The following NME7 variants were observed in gnomAD, a reference collection of about 807,000 sequenced individuals.
NME7 encodes the protein NME/NM23 family member 7.
In NME7, 41 loss-of-function variants were observed where a neutral mutation model predicts 49.1. That is an observed-to-expected ratio of 0.83 (90% CI 0.65 to 1.08). The LOEUF (loss-of-function observed/expected upper bound fraction) is 1.08. NME7 is among the 50% of genes least tolerant of loss of function. NME7 has a pLI of 0.00. For missense variants in NME7, 423 were observed against 463.4 expected (o/e 0.91, Z 0.80); for synonymous variants, 139 against 150.6 (o/e 0.92, Z 0.56).
chr1:169,298,913 C>T (rs1558028975), intron 5 of NME7, 150 bp from the exon 6 acceptor site: 2 of 724,312 alleles, frequency 2.8e-6, no homozygotes, highest in Non-Finnish European at 4.4e-6. Flanking sequence ...TTTACATGGG[C>T]AGGAGAAATT....
chr1:169,140,825 C>G (rs998020498), intron 11 of NME7, among the ~76,000 whole-genome samples: 1 of 152,006 alleles, frequency 6.6e-6, no homozygotes, highest in East Asian at 1.9e-4. Flanking sequence ...TCACAATCAC[C>G]CTATGGATCT....
chr1:169,170,080 G>A (rs1286596932), intron 10 of NME7, among the ~76,000 whole-genome samples: 1 of 152,164 alleles, frequency 6.6e-6, no homozygotes, highest in Non-Finnish European at 1.5e-5. Context: ...CAATGAAAAG[G>A]TGGATCAATG....
intron 1 of NME7, among the ~76,000 whole-genome samples, chr1:169,356,700 G>A (rs192544391): frequency 9.2e-4 from 140 of 152,214 alleles, no homozygotes; most frequent in African/African-American, 3.3e-3. Flanking sequence ...GGGGTAGGGG[G>A]CAGCATCTGT....
chr1:169,325,576 C>T (rs989549265), intron 1 of NME7, among the ~76,000 whole-genome samples: 5 of 152,058 alleles, frequency 3.3e-5, no homozygotes, highest in African/African-American at 1.2e-4. Flanking sequence ...CAAAGATCTT[C>T]ATTATAATAA....
intron 10 of NME7, among the ~76,000 whole-genome samples, chr1:169,192,208 G>A (rs1280933646): frequency 2.6e-5 from 4 of 152,104 alleles, no homozygotes; most frequent in Non-Finnish European, 4.4e-5. Context: ...CGGCATAGGA[G>A]TTTGAAGGAA....
intron 7 of NME7, among the ~76,000 whole-genome samples, chr1:169,257,454 G>A (rs34962461): frequency 0.087 from 11,574 of 132,750 alleles, 3,055 homozygotes; most frequent in East Asian, 0.75. Flanking sequence ...ACTGACCTGC[G>A]CCCACTGTCT....
At chr1:169,181,951 C>T (rs1659941456) in intron 10 of NME7, among the ~76,000 whole-genome samples, 1 of 152,132 alleles carries the variant, frequency 6.6e-6, no homozygotes. Flanking sequence ...TCCATATTCT[C>T]CTCTTATCTT....
chr1:169,229,756 T>C (rs1430785531), intron 10 of NME7, among the ~76,000 whole-genome samples: 1 of 151,090 alleles, frequency 6.6e-6, no homozygotes, highest in Non-Finnish European at 1.5e-5. Flanking sequence ...AGGTCAGGAG[T>C]TCAAGACCAG....
intron 10 of NME7, among the ~76,000 whole-genome samples, chr1:169,207,245 A>C (rs549114418): frequency 6.6e-6 from 1 of 152,222 alleles, no homozygotes; most frequent in South Asian, 2.1e-4. Context: ...GTTCTCAAGG[A>C]AACTAACACA....
chr1:169,211,761 A>T (rs1018879600), intron 10 of NME7, among the ~76,000 whole-genome samples: 1 of 152,198 alleles, frequency 6.6e-6, no homozygotes, highest in Non-Finnish European at 1.5e-5. Context: ...AAATTTAGTT[A>T]AAAAATCCAC....
At chr1:169,338,487 A>T (rs1486207115) in intron 1 of NME7, among the ~76,000 whole-genome samples, 17 of 152,344 alleles carry the variant, frequency 1.1e-4, no homozygotes. Flanking sequence ...GAAGCTGGTC[A>T]AACAAGATGG....
chr1:169,328,240 A>G (rs2101943310), intron 1 of NME7, among the ~76,000 whole-genome samples: 1 of 152,218 alleles, frequency 6.6e-6, no homozygotes, highest in Non-Finnish European at 1.5e-5. Flanking sequence ...AGTCCAAAAG[A>G]CCTGGGCAAG....
chr1:169,134,659 GT>G (rs1658370716), intron 11 of NME7, among the ~76,000 whole-genome samples: 1 of 152,088 alleles, frequency 6.6e-6, no homozygotes, highest in African/African-American at 2.4e-5. Flanking sequence ...GCCATAAGAT[GT>G]TACCTAGCTA....
intron 7 of NME7, among the ~76,000 whole-genome samples, chr1:169,278,459 T>C (rs1364409857): frequency 6.6e-6 from 1 of 152,182 alleles, no homozygotes; most frequent in African/African-American, 2.4e-5. Context: ...ACTGAAACCC[T>C]TTCTTCCAGT....
At chr1:169,262,807 G>A (rs908970752) in intron 7 of NME7, among the ~76,000 whole-genome samples, 2 of 133,644 alleles carry the variant, frequency 1.5e-5, no homozygotes, top group African/African-American at 5.1e-5. Flanking sequence ...TTGAGGCAGT[G>A]AGCCACTCAG....
At chr1:169,273,418 C>T (rs1291276351) in intron 7 of NME7, among the ~76,000 whole-genome samples, 1 of 132,700 alleles carries the variant, frequency 7.5e-6, no homozygotes, top group African/African-American at 2.6e-5. Flanking sequence ...CATAGTATTC[C>T]ATGGCGTATA....
intron 10 of NME7, among the ~76,000 whole-genome samples, chr1:169,174,684 T>C (rs1659701884): frequency 6.6e-6 from 1 of 152,186 alleles, no homozygotes; most frequent in African/African-American, 2.4e-5. Flanking sequence ...TGTAGGCAAC[T>C]GTAACACAAT....
At chr1:169,209,766 T>C (rs956980921) in intron 10 of NME7, among the ~76,000 whole-genome samples, 72 of 152,100 alleles carry the variant, frequency 4.7e-4, no homozygotes, top group Admixed American at 4.7e-3. Context: ...TCTCTTTAGT[T>C]ACCTTGTAGG....
intron 11 of NME7, among the ~76,000 whole-genome samples, chr1:169,145,109 T>C (rs1004783847): frequency 7.2e-5 from 11 of 152,228 alleles, no homozygotes; most frequent in African/African-American, 1.9e-4. Flanking sequence ...ATGGAGATTG[T>C]AGAGTAACAA....
Sources: allele counts gnomAD v4.1 joint callset (sites outside exome capture counted in the v4.1 genomes callset), GRCh38; gene constraint gnomAD v4.1.1; transcripts MANE v1.5; gene names NCBI Gene and HGNC (gene_info 2026-07-23, HGNC 2026-07-21).